Variants in BRI3 observed in about 807,000 individuals in gnomAD.
BRI3 encodes brain protein I3, also known as membrane protein BRI3.
Under a neutral mutation model 12.8 loss-of-function variants are expected in BRI3, and 6 were observed. The observed-to-expected ratio is 0.47, with a 90% CI of 0.26 to 0.93. The LOEUF (loss-of-function observed/expected upper bound fraction) is 0.93. Ranked by LOEUF, BRI3 falls within the 40% of genes least tolerant of loss-of-function variation. The probability of loss-of-function intolerance (pLI) is 0.15; values close to 1 mark genes in which losing one functional copy is unlikely to be tolerated. For synonymous variants in BRI3, 91 were observed against 76.1 expected (o/e 1.20, Z -1.02); for missense variants, 134 against 171.1 (o/e 0.78, Z 1.21).
chr7:98,310,215 C>T (rs932798401), exon 2 of BRI3: 10 of 494,478 alleles, frequency 2.0e-5, no homozygotes, highest in East Asian at 8.0e-5. Flanking sequence ...TCAGTCAGTG[C>T]GTAGAACTGG....
At chr7:98,310,542 G>T, downstream of BRI3, 1 of 1,594,936 alleles carries the variant, frequency 6.3e-7, no homozygotes, top group Non-Finnish European at 8.5e-7. Flanking sequence ...CTGAAGGAGC[G>T]GGGGGCATCT....
In BRI3 at chr7:98,307,831, T is replaced by G. The variant is rs753179786; in HGVS notation, n.461T>G. The G allele has an allele frequency of 1.7e-5, 28 of 1,614,236 alleles. No homozygotes were observed. The Admixed American group carries it at 3.8e-4, about 22-fold the overall frequency. On this transcript the variant is annotated non_coding_transcript_exon_variant, in exon 2 of 2. Coordinates refer to the BRI3 transcript ENST00000485422. ...GGGAAGATGGTCTTCACTTTCTGCT[T>G]CTTCATCATGTTCAGTCCCGTTGCA...
chr7:98,310,576 T>A (rs781348688), downstream of BRI3: 5 of 1,589,342 alleles, frequency 3.1e-6, no homozygotes, highest in Non-Finnish European at 4.3e-6. Flanking sequence ...AGAAAGGGTG[T>A]CGTAATCTTT....
the BRI3 span, chr7:98,317,437 T>TGTGAGTAAA: frequency 1.9e-6 from 3 of 1,544,384 alleles, no homozygotes; most frequent in Middle Eastern, 3.5e-4. Context: ...ACACTTCCAC[T>TGTGAGTAAA]GTGTGTGGCT....
upstream of BRI3, chr7:98,304,175 C>T (rs758831780): frequency 9.0e-6 from 14 of 1,551,526 alleles, no homozygotes; most frequent in Admixed American, 4.1e-5. Flanking sequence ...ACCCAGGACG[C>T]CCTGCTGCGG....
chr7:98,307,403 C>A lies in BRI3; in HGVS notation n.145-112C>A, dbSNP rs977464552. 16 of 1,246,194 alleles carry A rather than the reference C, an allele frequency of 1.3e-5. No homozygotes were observed. In the African/African-American group the frequency reaches 2.2e-4, roughly 17 times the overall value. 77.2% of individuals were successfully genotyped at this position (1,246,194 alleles called of 1,614,324 possible). A position where few individuals can be genotyped will look rare whatever the true frequency, so the allele number is the denominator to read the frequency against. ...TTACAAGCATGAGCCACTGCACTGG[C>A]CAAATGCTAAATTTTTTTTAAAAAC... is the stretch of plus-strand genomic sequence containing the variant. On this transcript the variant is annotated intron_variant and non_coding_transcript_variant, in intron 1 of 1. Coordinates refer to the BRI3 transcript ENST00000485422.
At chr7:98,313,482 G>A (rs952602338), downstream of BRI3, among the ~76,000 whole-genome samples, 7 of 152,066 alleles carry the variant, frequency 4.6e-5, no homozygotes, top group Non-Finnish European at 7.4e-5. Flanking sequence ...TCCAGCCTGC[G>A]ACCCTGGTGC....
chr7:98,305,632 A>T (rs1584431235), upstream of BRI3, among the ~76,000 whole-genome samples: 1 of 152,116 alleles, frequency 6.6e-6, no homozygotes, highest in South Asian at 2.1e-4. Context: ...TATGTTGCGC[A>T]GGCTGGTCCT....
downstream of BRI3, chr7:98,293,746 G>T: frequency 1.3e-6 from 1 of 756,974 alleles, no homozygotes; most frequent in South Asian, 1.6e-5. Flanking sequence ...TTCTGAGTGT[G>T]AAAGTTTTGT....
intron 1 of BRI3, among the ~76,000 whole-genome samples, chr7:98,300,597 C>G (rs1054145255): frequency 2.0e-5 from 3 of 152,212 alleles, no homozygotes; most frequent in African/African-American, 7.2e-5. Flanking sequence ...CAGCGGCTGC[C>G]ATTCTTCTGT....
chr7:98,298,092 C>T (rs986155364), intron 1 of BRI3, among the ~76,000 whole-genome samples: 1 of 152,130 alleles, frequency 6.6e-6, no homozygotes, highest in Non-Finnish European at 1.5e-5. Flanking sequence ...AGAGATATCA[C>T]GTGACCTGTG....
At position 98,282,608 on chromosome 7, in the gene BRI3, A is replaced by C. The variant is rs1444168871; in HGVS notation, c.245+155A>C. 7.7e-6 allele frequency: 5 copies of C among 650,102 alleles called. No homozygotes were observed. In the East Asian group the frequency reaches 1.1e-4, roughly 14 times the overall value. The allele number at this position is 650,102 out of a possible 1,614,324, so 40.3% of individuals were successfully genotyped here. On this transcript the variant is annotated intron_variant, in intron 2 of 2. Coordinates refer to ENST00000297290, the MANE Select transcript of BRI3 (RefSeq NM_015379.5). The stretch of plus-strand genomic sequence containing the variant: ...TGGGAGGGACAGACAGGCTGCCCGA[A>C]TGCGGTGTGGGAGAGTGCGGGTCCG...
intron 1 of BRI3, among the ~76,000 whole-genome samples, chr7:98,300,499 C>A (rs1243676625): frequency 6.6e-6 from 1 of 152,226 alleles, no homozygotes; most frequent in Non-Finnish European, 1.5e-5. Context: ...CGCGCCATGT[C>A]TTATCAGGAA....
At chr7:98,319,134 G>C in the BRI3 span, among the ~76,000 whole-genome samples, 1 of 152,108 alleles carries the variant, frequency 6.6e-6, no homozygotes, top group Non-Finnish European at 1.5e-5. Flanking sequence ...TGATTCCAGG[G>C]CAACTCGCAC....
intron 1 of BRI3, among the ~76,000 whole-genome samples, chr7:98,299,497 T>A (rs1487596421): frequency 6.6e-6 from 1 of 151,404 alleles, no homozygotes; most frequent in African/African-American, 2.4e-5. Flanking sequence ...TACCTGCTTC[T>A]TGACCACCAC....
Position 98,308,182 on chromosome 7 carries a change from T to C in BRI3, n.812T>C, listed in dbSNP as rs77995324. On this transcript the variant is annotated non_coding_transcript_exon_variant, in exon 2 of 2. Coordinates refer to the BRI3 transcript ENST00000485422. ...CAAGGACAAGGCGGTGTGTGCCGGGTTGATCTGCACTGCTTTAGCCAGGAT... is the reference window on the plus strand; with the variant it reads ...CAAGGACAAGGCGGTGTGTGCCGGGCTGATCTGCACTGCTTTAGCCAGGAT... 31 of 579,488 alleles carry C rather than the reference T, an allele frequency of 5.3e-5. No homozygotes were observed. The Admixed American group carries it at 5.6e-4, about 11-fold the overall frequency. 35.9% of individuals were successfully genotyped at this position (579,488 alleles called of 1,614,324 possible).
chr7:98,307,625 C>T, exon 2 of BRI3: 3 of 1,594,988 alleles, frequency 1.9e-6, no homozygotes, highest in Non-Finnish European at 2.6e-6. Context: ...CAGTTTGCAG[C>T]TTGGCTGCTC....
intron 2 of BRI3, among the ~76,000 whole-genome samples, chr7:98,284,498 G>A (rs1799645103): frequency 6.6e-6 from 1 of 152,176 alleles, no homozygotes; most frequent in South Asian, 2.1e-4. Flanking sequence ...GAGTGGAGAC[G>A]GTTCCCTGAA....
upstream of BRI3, among the ~76,000 whole-genome samples, chr7:98,303,245 C>T (rs1186562594): frequency 2.0e-5 from 3 of 152,196 alleles, no homozygotes; most frequent in Non-Finnish European, 4.4e-5. Flanking sequence ...TTCATATCAT[C>T]AAGACACTCC....
Sources: gnomAD v4.1 joint callset for allele counts (sites outside exome capture counted in the v4.1 genomes callset) on GRCh38, gnomAD v4.1.1 for gene constraint, MANE v1.5 for transcripts, NCBI Gene and HGNC (gene_info 2026-07-23, HGNC 2026-07-21) for gene names.